The following TDRD9 variants were observed in gnomAD, a reference collection of about 807,000 sequenced individuals.
The protein encoded by TDRD9 is tudor domain containing 9.
TDRD9 carries 124 observed loss-of-function variants against 172.6 expected under a neutral mutation model. That is an observed-to-expected ratio of 0.72 (90% CI 0.62 to 0.83). The LOEUF (loss-of-function observed/expected upper bound fraction) is 0.83, where lower values mean the gene tolerates loss of function less well. Among genes scored for constraint, TDRD9 ranks in the 40% least tolerant of loss-of-function variants. TDRD9 has a pLI of 0.00. For missense variants in TDRD9, 1,479 were observed against 1,714.1 expected (o/e 0.86, Z 2.42); for synonymous variants, 619 against 617.1 (o/e 1.00, Z -0.05).
At chr14:104,018,862 T>C (rs1040221005) in intron 23 of TDRD9, among the ~76,000 whole-genome samples, 2 of 152,246 alleles carry the variant, frequency 1.3e-5, no homozygotes, top group Non-Finnish European at 2.9e-5. Context: ...TTTTCTTTAA[T>C]GTCCAGTTCA....
At chr14:103,978,941 T>C (rs2033364103) in intron 7 of TDRD9, among the ~76,000 whole-genome samples, 1 of 152,202 alleles carries the variant, frequency 6.6e-6, no homozygotes, top group Non-Finnish European at 1.5e-5. Context: ...TAGCCTCCTA[T>C]AGCTATTTGA....
At chr14:104,048,836 TA>T (rs1483958504) in intron 34 of TDRD9, among the ~76,000 whole-genome samples, 2 of 152,234 alleles carry the variant, frequency 1.3e-5, no homozygotes, top group Non-Finnish European at 2.9e-5. Flanking sequence ...TTGCTGTTTT[TA>T]CTGACAATGC....
chr14:104,021,264 G>A (rs1005887995), intron 23 of TDRD9, among the ~76,000 whole-genome samples: 3 of 152,082 alleles, frequency 2.0e-5, no homozygotes, highest in African/African-American at 7.2e-5. Flanking sequence ...TCACAATCCG[G>A]TCACCTCCCA....
intron 2 of TDRD9, 96 bp downstream of exon 2, chr14:103,955,866 T>C: frequency 6.6e-6 from 7 of 1,058,310 alleles, no homozygotes; most frequent in Non-Finnish European, 9.7e-6. Flanking sequence ...TTCCAGCTAC[T>C]CAGGAGGCTG....
chr14:103,935,738 AGTG>A lies in TDRD9; in HGVS notation c.215+7017_215+7019del, dbSNP rs537217235. On this transcript the variant is annotated intron_variant, in intron 1 of 35. Transcript: ENST00000409874. The stretch of plus-strand genomic sequence containing the variant: ...CAGTGAGAAAAGGAGACTGAGAACA[AGTG>A]GTCAGAGGGACACCAGGTGAGTGAG... Among the ~76,000 whole-genome samples the A allele has an allele frequency of 1.3e-3, 201 of 152,278 alleles. 1 individual carries two copies. The highest frequency in any genetic ancestry group is 2.2e-3 in the Non-Finnish European group (148 of 68,020).
chr14:103,978,425 TAAC>T (rs570931301), intron 7 of TDRD9, among the ~76,000 whole-genome samples: 5 of 152,198 alleles, frequency 3.3e-5, no homozygotes, highest in Non-Finnish European at 7.3e-5. Flanking sequence ...TATTTGTAGT[TAAC>T]ATTTACTTAG....
chr14:104,042,352 C>G (rs1389402599), intron 34 of TDRD9, among the ~76,000 whole-genome samples, 165 bp downstream of exon 34: 2 of 152,162 alleles, frequency 1.3e-5, no homozygotes, highest in Non-Finnish European at 2.9e-5. Context: ...TAGGCACGCC[C>G]TTCCTGTGGA....
chr14:103,961,710 T>C (rs1007611953), intron 2 of TDRD9, among the ~76,000 whole-genome samples: 1 of 152,114 alleles, frequency 6.6e-6, no homozygotes, highest in Non-Finnish European at 1.5e-5. Flanking sequence ...CAGATCTGGT[T>C]CCTCTGTTTA....
At chr14:103,960,131 TTATC>T (rs2032439061) in intron 2 of TDRD9, among the ~76,000 whole-genome samples, 1 of 152,252 alleles carries the variant, frequency 6.6e-6, no homozygotes, top group Admixed American at 6.5e-5. Flanking sequence ...TCATATATAA[TTATC>T]TATTTGGAAG....
chr14:103,984,553 G>A (rs565148380), intron 7 of TDRD9, among the ~76,000 whole-genome samples: 12 of 152,198 alleles, frequency 7.9e-5, no homozygotes, highest in Non-Finnish European at 1.8e-4. Flanking sequence ...GTCAAGAATT[G>A]GGGTTTGGGA....
intron 1 of TDRD9, among the ~76,000 whole-genome samples, chr14:103,949,716 G>A (rs915191513): frequency 2.0e-5 from 3 of 152,220 alleles, no homozygotes; most frequent in African/African-American, 7.2e-5. Context: ...GTCTCACTCA[G>A]TCGCCCATGC....
At chr14:103,939,749 T>TTTTTTTTTTTTTG (rs2031089888) in intron 1 of TDRD9, 1 of 78,680 alleles carries the variant, frequency 1.3e-5, no homozygotes, top group Non-Finnish European at 2.5e-5. Flanking sequence ...AAGTGTTTTT[T>TTTTTTTTTTTTTG]TTTTTTTTTT....
chr14:104,020,813 G>A (rs2034931322), intron 23 of TDRD9, among the ~76,000 whole-genome samples: 1 of 152,098 alleles, frequency 6.6e-6, no homozygotes, highest in Non-Finnish European at 1.5e-5. Flanking sequence ...GGACCCAGGG[G>A]CATTAGAACT....
intron 1 of TDRD9, among the ~76,000 whole-genome samples, chr14:103,949,512 A>G (rs779540185): frequency 6.6e-5 from 10 of 152,206 alleles, no homozygotes; most frequent in Non-Finnish European, 1.3e-4. Flanking sequence ...TTGACCTCTG[A>G]TTATAAACAA....
intron 34 of TDRD9, among the ~76,000 whole-genome samples, chr14:104,046,245 G>A (rs1177862298): frequency 1.2e-4 from 18 of 152,280 alleles, no homozygotes; most frequent in Non-Finnish European, 1.8e-4. Flanking sequence ...GTGAGCCACC[G>A]CGCCTGGCCT....
At chr14:104,029,833 G>A (rs1418184398) in intron 28 of TDRD9, among the ~76,000 whole-genome samples, 13 of 152,086 alleles carry the variant, frequency 8.5e-5, no homozygotes, top group Admixed American at 5.9e-4. Flanking sequence ...CCTTTCTTGC[G>A]TTGAGATATG....
chr14:103,952,721 TTC>T (rs1226844332), intron 1 of TDRD9, among the ~76,000 whole-genome samples: 19 of 135,784 alleles, frequency 1.4e-4, no homozygotes, highest in African/African-American at 4.6e-4. Flanking sequence ...TTTATAGGAA[TTC>T]TCTCTCTTTT....
At chr14:104,002,906 T>A (rs1384138257) in intron 13 of TDRD9, among the ~76,000 whole-genome samples, 1 of 152,046 alleles carries the variant, frequency 6.6e-6, no homozygotes, top group Non-Finnish European at 1.5e-5. Flanking sequence ...AATTTTTGTA[T>A]TTTTAGTAGA....
chr14:103,994,008 C>T (rs926000255), intron 9 of TDRD9, among the ~76,000 whole-genome samples: 2 of 152,186 alleles, frequency 1.3e-5, no homozygotes, highest in Non-Finnish European at 2.9e-5. Flanking sequence ...AAAGATTTTG[C>T]ATGCTCATTA....
Sources: allele counts gnomAD v4.1 joint callset (sites outside exome capture counted in the v4.1 genomes callset), GRCh38; gene constraint gnomAD v4.1.1; transcripts MANE v1.5; gene names NCBI Gene and HGNC (gene_info 2026-07-23, HGNC 2026-07-21).